TSNAX: variants seen among roughly 807,000 people sequenced by gnomAD.
TSNAX encodes the protein translin associated factor X.
A neutral mutation model predicts 33.0 loss-of-function variants in TSNAX; 12 were observed. The ratio of observed to expected loss-of-function variants is 0.36; its 90% CI spans 0.23 to 0.59. The LOEUF (loss-of-function observed/expected upper bound fraction) is 0.59, where lower values mean the gene tolerates loss of function less well. TSNAX is among the 20% of genes least tolerant of loss of function. TSNAX has a pLI of 0.74. For synonymous variants in TSNAX, 110 were observed against 117.2 expected, an observed-to-expected ratio of 0.94 and a Z score of 0.40; for missense variants, 267 against 341.3, an observed-to-expected ratio of 0.78 and a Z score of 1.72.
chr1:231,533,102 T>C (rs1016429050), intron 2 of TSNAX, among the ~76,000 whole-genome samples: 2 of 150,946 alleles, frequency 1.3e-5, no homozygotes, highest in African/African-American at 4.9e-5. Flanking sequence ...ACTCTCACTC[T>C]GTCACCCAGA....
At chr1:231,543,503 T>C (rs1659710522) in intron 4 of TSNAX, among the ~76,000 whole-genome samples, 1 of 152,138 alleles carries the variant, frequency 6.6e-6, no homozygotes, top group South Asian at 2.1e-4. Context: ...TCAAAACGTT[T>C]TGGATTTTGG....
Position 231,529,296 on chromosome 1 carries a change from C to T in TSNAX, c.58C>T (p.His20Tyr). 1 of 1,614,134 alleles carries T rather than the reference C, an allele frequency of 6.2e-7. No homozygotes were observed. The highest frequency in any genetic ancestry group is 8.5e-7 in the Non-Finnish European group (1 of 1,180,020). ...GAAAAGGAAGCATGACAATTTCCCA[C>T]ATAACCAAAGAAGAGAAGGGAAGGA... ...FRKRKHDNFP[H>Y]NQRREGKDVN... The change falls in exon 2 of 6, where the codon CAT becomes TAT. Residue 20 changes from histidine (H) to tyrosine (Y), a missense_variant. This residue lies in a region of TSNAX where 200 missense variants were observed against 214.1 expected (regional missense o/e 0.93). Coordinates refer to ENST00000366639, the MANE Select transcript of TSNAX (RefSeq NM_005999.3).
intron 4 of TSNAX, chr1:231,542,818 T>C (rs561134421): frequency 5.6e-5 from 26 of 465,040 alleles, no homozygotes; most frequent in African/African-American, 5.0e-4. Context: ...CATTGATTGA[T>C]TTTAATAAAG....
intron 4 of TSNAX, among the ~76,000 whole-genome samples, chr1:231,553,646 T>A (rs1372952389): frequency 6.6e-6 from 1 of 151,798 alleles, no homozygotes; most frequent in East Asian, 1.9e-4. Flanking sequence ...TTGAACTTTC[T>A]CCACATTATA....
chr1:231,562,660 C>A (rs1169116662), intron 5 of TSNAX, among the ~76,000 whole-genome samples: 1 of 151,852 alleles, frequency 6.6e-6, no homozygotes, highest in Non-Finnish European at 1.5e-5. Context: ...GACTTAGGTA[C>A]CAGATTATTT....
chr1:231,555,526 A>G (rs1660628831), intron 4 of TSNAX, among the ~76,000 whole-genome samples: 1 of 152,244 alleles, frequency 6.6e-6, no homozygotes, highest in Admixed American at 6.5e-5. Context: ...TGTATTTAAT[A>G]TGCTAAACTG....
At chr1:231,545,043 G>T (rs1318337451) in intron 4 of TSNAX, among the ~76,000 whole-genome samples, 2 of 151,860 alleles carry the variant, frequency 1.3e-5, no homozygotes. Flanking sequence ...TCTTTAAAAT[G>T]AGATTCTTTG....
chr1:231,559,982 A>AT lies in TSNAX; in HGVS notation c.368-1144dup, dbSNP rs1478597848. Among the ~76,000 whole-genome samples the AT allele has an allele frequency of 4.3e-4, 62 of 144,956 alleles. 1 individual carries two copies. The highest frequency in any genetic ancestry group is 1.1e-3 in the African/African-American group (43 of 37,476). On this transcript the variant is annotated intron_variant, in intron 4 of 5. Coordinates refer to ENST00000366639, the MANE Select transcript of TSNAX (RefSeq NM_005999.3). ...GATCCAAATTATTATTATTATTATT[A>AT]TTATTTTTTTTTTTTTGCGACGAGT...
At chr1:231,536,933 A>C (rs1659218197) in intron 2 of TSNAX, 1 of 195,544 alleles carries the variant, frequency 5.1e-6, no homozygotes, top group African/African-American at 2.3e-5. Flanking sequence ...CCGGGGTTCA[A>C]GCGATTCTTC....
chr1:231,539,007 A>AT (rs564036282), intron 3 of TSNAX, among the ~76,000 whole-genome samples: 13 of 152,050 alleles, frequency 8.5e-5, no homozygotes, highest in South Asian at 2.1e-4. Context: ...TCACATTTTA[A>AT]TTTTTACTTC....
At chr1:231,563,330 G>A (rs184529249) in intron 5 of TSNAX, 1 of 152,638 alleles carries the variant, frequency 6.6e-6, no homozygotes, top group Admixed American at 6.5e-5. Flanking sequence ...GAGATTTCAT[G>A]ATGATATCAT....
chr1:231,543,916 G>A (rs3767754), intron 4 of TSNAX, among the ~76,000 whole-genome samples: 32,698 of 152,170 alleles, frequency 0.21, 3,775 homozygotes, highest in Admixed American at 0.29. Flanking sequence ...GGCACAACCT[G>A]TAAAGTGTGA....
intron 3 of TSNAX, among the ~76,000 whole-genome samples, chr1:231,537,740 CAAAA>C (rs541527416): frequency 7.5e-5 from 5 of 66,238 alleles, no homozygotes; most frequent in African/African-American, 2.0e-4. Context: ...GACCCTGTCT[CAAAA>C]AAAAAAAAAA....
intron 3 of TSNAX, among the ~76,000 whole-genome samples, chr1:231,542,204 C>T (rs1659618021): frequency 6.6e-6 from 1 of 152,190 alleles, no homozygotes. Context: ...GTCCACGTTA[C>T]TCTGCCCTTA....
At position 231,529,374 on chromosome 1, in the gene TSNAX, A is replaced by T; in HGVS notation, c.121+15A>T. ...GGCCTTTAAATGTAAGTTCTCTGCA[A>T]TGTAAGTTGAAGAAGGGGAGAGAAC... On this transcript the variant is annotated intron_variant, in intron 2 of 5. Transcript: ENST00000366639. 2 of 1,612,064 alleles carry T rather than the reference A, an allele frequency of 1.2e-6. No individual in the cohort carries two copies. Among genetic ancestry groups the T allele is most frequent in the Non-Finnish European group, 1.7e-6 (2 of 1,178,276 alleles).
chr1:231,565,023 G>T lies in TSNAX; in HGVS notation c.*118G>T, dbSNP rs2124954073. The T allele has an allele frequency of 1.6e-6, 2 of 1,247,120 alleles. No homozygotes were observed. Among genetic ancestry groups the T allele is most frequent in the Non-Finnish European group, 2.2e-6 (2 of 914,972 alleles). The allele number at this position is 1,247,120 out of a possible 1,614,324, so 77.3% of individuals were successfully genotyped here. A position where few individuals can be genotyped will look rare whatever the true frequency, so the allele number is the denominator to read the frequency against. On this transcript the variant is annotated 3_prime_UTR_variant, in exon 6 of 6. Transcript: ENST00000366639. ...CTTTTACATAGAAACATATTCAGTT[G>T]TACTTGTTTTAAATTGTATACAAGC...
At chr1:231,542,681 C>T in intron 4 of TSNAX, 70 bp downstream of exon 4, 1 of 1,494,400 alleles carries the variant, frequency 6.7e-7, no homozygotes, top group East Asian at 2.3e-5. Context: ...ATGTGAGTTG[C>T]ATGAATTTTA....
chr1:231,559,728 GTATT>G (rs555103417), intron 4 of TSNAX, among the ~76,000 whole-genome samples: 5 of 151,858 alleles, frequency 3.3e-5, no homozygotes, highest in African/African-American at 1.2e-4. Flanking sequence ...ATTTTTAAAA[GTATT>G]TAAGTTACAT....
At position 231,564,883 on chromosome 1, in the gene TSNAX, A is replaced by G. The variant is rs1039923749; in HGVS notation, c.851A>G (p.Asp284Gly). 1 of 1,613,818 alleles carries G rather than the reference A, an allele frequency of 6.2e-7. No individual in the cohort carries two copies. The highest frequency in any genetic ancestry group is 2.2e-5 in the East Asian group (1 of 44,870). Residue 284 changes from aspartate to glycine, a missense_variant, in exon 6 of 6, where the codon GAT (aspartate) becomes GGT (glycine). Coordinates refer to ENST00000366639, the MANE Select transcript of TSNAX (RefSeq NM_005999.3). ...TTTTCAGTTAAAACAGAAATGATAG[A>G]TCAAGAAGAGGGCATTTCTTAGAAT... is the stretch of plus-strand genomic sequence containing the variant. Reference protein sequence around the residue: ...DVFSVKTEMIDQEEGIS With the variant: ...DVFSVKTEMIGQEEGIS
Sources: gnomAD v4.1 joint callset for allele counts (sites outside exome capture counted in the v4.1 genomes callset) on GRCh38, gnomAD v4.1.1 for gene constraint, gnomAD v4.1.1 regional missense constraint, MANE v1.5 for transcripts, NCBI Gene and HGNC (gene_info 2026-07-23, HGNC 2026-07-21) for gene names.